DOCK6: variants seen among roughly 807,000 people sequenced by gnomAD.
DOCK6 encodes dedicator of cytokinesis 6, also known as dedicator of cytokinesis protein 6.
In DOCK6, 167 loss-of-function variants were observed where a neutral mutation model predicts 230.3. The observed-to-expected ratio is 0.73, with a 90% confidence interval of 0.64 to 0.82. The LOEUF is 0.82. DOCK6 is among the 40% of genes least tolerant of loss of function. The probability of loss-of-function intolerance (pLI) is 0.00; values close to 1 mark genes in which losing one functional copy is unlikely to be tolerated. For synonymous variants in DOCK6, 1,148 were observed against 1,185.0 expected (o/e 0.97, Z 0.64); for missense variants, 2,598 against 2,825.8 (o/e 0.92, Z 1.83).
intron 1 of DOCK6, among the ~76,000 whole-genome samples, chr19:11,259,706 C>T (rs534351485): frequency 1.8e-4 from 27 of 149,718 alleles, no homozygotes; most frequent in African/African-American, 5.6e-4. Flanking sequence ...TACAGGCGTG[C>T]GTCACCACGC....
intron 37 of DOCK6, among the ~76,000 whole-genome samples, chr19:11,211,379 TA>T (rs2079381470): frequency 6.6e-6 from 1 of 151,624 alleles, no homozygotes; most frequent in Non-Finnish European, 1.5e-5. Context: ...CCTTCACCTG[TA>T]AGCACCTCAC....
rs1264370779 is a variant in DOCK6, at chr19:11,208,832, G to C, written c.4945-3C>G. 1 of 1,611,088 alleles carries C rather than the reference G, an allele frequency of 6.2e-7. No individual in the cohort carries two copies. The highest frequency in any genetic ancestry group is 8.5e-7 in the Non-Finnish European group (1 of 1,177,574). On this transcript the variant is annotated splice_region_variant and splice_polypyrimidine_tract_variant and intron_variant, in intron 38 of 47. Coordinates refer to ENST00000294618, the MANE Select transcript of DOCK6 (RefSeq NM_020812.4). ...TCTAGCACGTTGGATGAGATGTTCTGGGGTGGGAGAGGTGGCGTCAGACCC... is the reference window on the plus strand; with the variant it reads ...TCTAGCACGTTGGATGAGATGTTCTCGGGTGGGAGAGGTGGCGTCAGACCC...
Position 11,215,382 on chromosome 19 carries a change from C to G in DOCK6, c.4106+5G>C. On this transcript the variant is annotated splice_donor_5th_base_variant and intron_variant, in intron 32 of 47. Coordinates refer to ENST00000294618, the MANE Select transcript of DOCK6 (RefSeq NM_020812.4). ...CTCAGCAGACACCCTCCTGCCCACACCTACTTGTCCACGCGGTCTGAGGTT... is the reference window on the plus strand; with the variant it reads ...CTCAGCAGACACCCTCCTGCCCACAGCTACTTGTCCACGCGGTCTGAGGTT... The G allele has an allele frequency of 1.9e-6, 3 of 1,613,428 alleles. No homozygotes were observed. The highest frequency in any genetic ancestry group is 2.5e-6 in the Non-Finnish European group (3 of 1,179,612).
At chr19:11,250,673 A>G (rs1450785895) in intron 6 of DOCK6, among the ~76,000 whole-genome samples, 2 of 152,154 alleles carry the variant, frequency 1.3e-5, no homozygotes, top group African/African-American at 4.8e-5. Flanking sequence ...TTGGATAAAT[A>G]TAGGGGTATA....
chr19:11,240,732 C>T (rs1001208423), intron 14 of DOCK6, among the ~76,000 whole-genome samples: 2 of 151,770 alleles, frequency 1.3e-5, no homozygotes, highest in Non-Finnish European at 2.9e-5. Context: ...GGTGCACCAG[C>T]TAATTTTTGT....
intron 3 of DOCK6, 65 bp downstream of exon 3, chr19:11,252,718 C>T: frequency 1.3e-6 from 2 of 1,596,360 alleles, no homozygotes; most frequent in South Asian, 1.1e-5. Flanking sequence ...TGAAGTCGGG[C>T]TGTTGATGGG....
Position 11,252,620 on chromosome 19 carries a change from T to C in DOCK6, c.309-70A>G, listed in dbSNP as rs2080135900. 3 of 1,605,666 alleles carry C rather than the reference T, an allele frequency of 1.9e-6. No individual in the cohort carries two copies. The Admixed American group carries it at 5.0e-5, about 27-fold the overall frequency. On this transcript the variant is annotated intron_variant, in intron 3 of 47. Transcript: ENST00000294618. ...GAATCCTTCTGCTAGCCTGTAAGGT[T>C]AGCACTGTCCTGCCTATTCCAGACA...
chr19:11,241,854 G>T, intron 14 of DOCK6, 191 bp downstream of exon 14: 2 of 1,323,750 alleles, frequency 1.5e-6, no homozygotes, highest in South Asian at 2.6e-5. Context: ...CAAAGGCAGA[G>T]GATGTAGCCC....
Position 11,222,999 on chromosome 19 carries a change from G to A in DOCK6, c.3063C>T (p.Tyr1021=). 6.2e-7 allele frequency: 1 copy of A among 1,613,812 alleles called. No individual in the cohort carries two copies. Among genetic ancestry groups the A allele is most frequent in the Non-Finnish European group, 8.5e-7 (1 of 1,179,836 alleles). The part of the protein sequence containing the change: ...GFVFSLVRAH[Y]KQVATRLQSS... ...TGCCCACGCCCACTCCTACCTGCTTGTAGTGGGCCCGGACCAGGCTGAAGA... is the reference window on the plus strand; with the variant it reads ...TGCCCACGCCCACTCCTACCTGCTTATAGTGGGCCCGGACCAGGCTGAAGA... Residue 1021 remains tyrosine, a synonymous_variant, in exon 25 of 48, where the codon TAC becomes TAT. Transcript: ENST00000294618. The surrounding 1 kb of genome is among the most constrained non-coding windows in gnomAD (Gnocchi z 4.0).
chr19:11,249,940 G>T (rs2080091959), intron 6 of DOCK6, among the ~76,000 whole-genome samples: 1 of 149,796 alleles, frequency 6.7e-6, no homozygotes, highest in Non-Finnish European at 1.5e-5. Flanking sequence ...AAACACAGGG[G>T]ATAGAGTAGG....
chr19:11,214,870 G>A (rs2079455261), intron 32 of DOCK6, among the ~76,000 whole-genome samples: 1 of 151,854 alleles, frequency 6.6e-6, no homozygotes, highest in African/African-American at 2.4e-5. Flanking sequence ...CAACCTCCCA[G>A]GCTCAAGTCA....
At chr19:11,227,028 C>T (rs907165817) in intron 24 of DOCK6, among the ~76,000 whole-genome samples, 1 of 152,200 alleles carries the variant, frequency 6.6e-6, no homozygotes, top group Non-Finnish European at 1.5e-5. Flanking sequence ...TGCTATTCCC[C>T]CTGCCTGGAA....
At chr19:11,214,517 C>T in intron 33 of DOCK6, 36 bp downstream of exon 33, 2 of 1,613,544 alleles carry the variant, frequency 1.2e-6, no homozygotes, top group Non-Finnish European at 1.7e-6. Context: ...TGCAGTTGGG[C>T]TCAGAGCACA....
intron 7 of DOCK6, 125 bp downstream of exon 7, chr19:11,247,941 C>T (rs1271223960): frequency 2.6e-6 from 2 of 775,448 alleles, no homozygotes; most frequent in Admixed American, 2.1e-5. Context: ...AAAGCCCATA[C>T]ATAGGTGGCC....
At chr19:11,226,239 C>T (rs895660845) in intron 24 of DOCK6, among the ~76,000 whole-genome samples, 1 of 152,210 alleles carries the variant, frequency 6.6e-6, no homozygotes, top group Non-Finnish European at 1.5e-5. Context: ...TCAAAAGCCT[C>T]ATTCTGCCCC....
Position 11,199,451 on chromosome 19 carries a change from G to C in DOCK6, c.*46C>G. ...CTCCCCTCGCAGCACAGACAGCTGA[G>C]GCCCGGGTGCTGGTTCCTCTAGGTA... is the stretch of plus-strand genomic sequence containing the variant. On this transcript the variant is annotated 3_prime_UTR_variant, in exon 48 of 48. Coordinates refer to ENST00000294618, the MANE Select transcript of DOCK6 (RefSeq NM_020812.4). 3 of 1,556,662 alleles carry C rather than the reference G, an allele frequency of 1.9e-6. No individual in the cohort carries two copies. The African/African-American group carries it at 4.1e-5, about 21-fold the overall frequency.
chr19:11,231,938 C>T (rs11878764), intron 22 of DOCK6, among the ~76,000 whole-genome samples: 1,631 of 152,254 alleles, frequency 0.011, 31 homozygotes, highest in African/African-American at 0.037. Context: ...CGTTTGCATG[C>T]GATTTGCATA....
intron 39 of DOCK6, chr19:11,205,900 C>G (rs1185139407): frequency 6.6e-6 from 1 of 151,880 alleles, no homozygotes. Flanking sequence ...GCTGGGATCA[C>G]AAGCGTGAGC....
In DOCK6 at chr19:11,200,249, C is replaced by A; in HGVS notation, c.6101+59G>T. On this transcript the variant is annotated intron_variant, in intron 47 of 47. Transcript: ENST00000294618. The surrounding 1 kb of genome is among the most constrained non-coding windows in gnomAD (Gnocchi z 4.3). ...ACAACAGCCCCCATCCTGTACCTGT[C>A]CTGGTCTGCCTCTGCATCCCCTCTC... 6.6e-7 allele frequency: 1 copy of A among 1,519,292 alleles called. No individual in the cohort carries two copies. The allele number at this position is 1,519,292 out of a possible 1,614,324, so 94.1% of individuals were successfully genotyped here. A position where few individuals can be genotyped will look rare whatever the true frequency, so the allele number is the denominator to read the frequency against.
Sources: allele counts gnomAD v4.1 joint callset (sites outside exome capture counted in the v4.1 genomes callset), GRCh38; gene constraint gnomAD v4.1.1; non-coding constraint Gnocchi (gnomAD v3.1); transcripts MANE v1.5; gene names NCBI Gene and HGNC (gene_info 2026-07-23, HGNC 2026-07-21).